The following MAU2 variants were observed in gnomAD, a reference collection of about 807,000 sequenced individuals.
MAU2 encodes the protein MAU2 sister chromatid cohesion factor.
Under a neutral mutation model 89.1 loss-of-function variants are expected in MAU2, and 9 were observed. That is an observed-to-expected ratio of 0.10 (90% CI 0.06 to 0.18). MAU2 has a LOEUF of 0.18. Ranked by LOEUF, MAU2 falls within the 10% of genes least tolerant of loss-of-function variation. The probability of loss-of-function intolerance (pLI) is 1.00; values close to 1 mark genes in which losing one functional copy is unlikely to be tolerated. For missense variants in MAU2, 425 were observed against 803.5 expected, an observed-to-expected ratio of 0.53 and a Z score of 5.69; for synonymous variants, 357 against 343.4, an observed-to-expected ratio of 1.04 and a Z score of -0.44.
chr19:19,324,391 G>A (rs2061487796), intron 1 of MAU2, among the ~76,000 whole-genome samples: 1 of 152,160 alleles, frequency 6.6e-6, no homozygotes, highest in Non-Finnish European at 1.5e-5. Context: ...ATCAAATGAG[G>A]CACCAGACTT....
chr19:19,326,711 T>C (rs2061509275), intron 1 of MAU2, among the ~76,000 whole-genome samples: 2 of 120,992 alleles, frequency 1.7e-5, no homozygotes, highest in Admixed American at 9.4e-5. Context: ...TGTATATATA[T>C]ATATATATAC....
rs190593381 is a variant in MAU2 at position 19,351,332 on chromosome 19, C to A, written c.1548+1896C>A. 2.0e-4 allele frequency among the ~76,000 whole-genome samples: 31 copies of A among 151,872 alleles called. No homozygotes were observed. The East Asian group carries it at 5.0e-3, about 25-fold the overall frequency. On this transcript the variant is annotated intron_variant, in intron 16 of 18. Transcript: ENST00000262815. Reference sequence around the variant, plus strand: ...CAAAGTGCTAGATTACAGCATGACCCACTGTGCCTGGCCCTAGAGATGCTA... The same window carrying A: ...CAAAGTGCTAGATTACAGCATGACCAACTGTGCCTGGCCCTAGAGATGCTA...
In MAU2 at chr19:19,348,953, G is replaced by C; in HGVS notation, c.1358+15G>C. ...TTCCCTGTCAGGTGAGCCGCTCCAG[G>C]CACCACTCCACGCACGGCCTAGGCT... On this transcript the variant is annotated intron_variant, in intron 14 of 18. Transcript: ENST00000262815. 6.2e-7 allele frequency: 1 copy of C among 1,612,746 alleles called. No homozygotes were observed. Among genetic ancestry groups the C allele is most frequent in the South Asian group, 1.1e-5 (1 of 90,992 alleles).
intron 1 of MAU2, chr19:19,334,743 C>A: frequency 2.9e-6 from 1 of 342,376 alleles, no homozygotes; most frequent in Non-Finnish European, 4.1e-6. Flanking sequence ...TGGCCCTCTG[C>A]CTTTTTTATG....
intron 13 of MAU2, 89 bp from the exon 14 acceptor site, chr19:19,348,800 T>C: frequency 2.1e-6 from 3 of 1,396,618 alleles, no homozygotes; most frequent in Admixed American, 1.7e-5. Flanking sequence ...GACGGGGGTG[T>C]AGAGAAATTC....
chr19:19,329,721 C>T (rs1036648031), intron 1 of MAU2, among the ~76,000 whole-genome samples: 4 of 151,934 alleles, frequency 2.6e-5, no homozygotes, highest in African/African-American at 9.7e-5. Context: ...TGCCTGTTAT[C>T]CTAGCACTTT....
At position 19,355,406 on chromosome 19, in the gene MAU2, G is replaced by A. The variant is rs1391533602; in HGVS notation, c.1767+15G>A. The A allele has an allele frequency of 6.2e-7, 1 of 1,613,458 alleles. No homozygotes were observed. ...ACCTCATCACGGTACGGGTGTGGGT[G>A]TTAGGGGACGGGATCAGGACTAGCG... On this transcript the variant is annotated intron_variant, in intron 18 of 18. Coordinates refer to ENST00000262815, the MANE Select transcript of MAU2 (RefSeq NM_015329.4).
chr19:19,327,577 G>T (rs887132032), intron 1 of MAU2, among the ~76,000 whole-genome samples: 1 of 151,972 alleles, frequency 6.6e-6, no homozygotes, highest in Non-Finnish European at 1.5e-5. Context: ...CACCCGCCTC[G>T]ACCTGCCAAA....
chr19:19,339,038 G>A (rs1015642291), intron 5 of MAU2, 99 bp downstream of exon 5: 1 of 920,032 alleles, frequency 1.1e-6, no homozygotes, highest in African/African-American at 1.6e-5. Flanking sequence ...TTCAGGTGAA[G>A]TACAGTAGCT....
chr19:19,339,307 C>T (rs1397611725), intron 5 of MAU2, among the ~76,000 whole-genome samples: 2 of 151,980 alleles, frequency 1.3e-5, no homozygotes, highest in African/African-American at 2.4e-5. Flanking sequence ...ATTAGCTGGG[C>T]GTGGTGGTGG....
At chr19:19,323,091 A>G (rs1306702384) in intron 1 of MAU2, among the ~76,000 whole-genome samples, 1 of 151,282 alleles carries the variant, frequency 6.6e-6, no homozygotes, top group Non-Finnish European at 1.5e-5. Flanking sequence ...GGTTCACAGT[A>G]TTGGCCAGGC....
intron 1 of MAU2, among the ~76,000 whole-genome samples, chr19:19,325,399 C>T (rs1396328470): frequency 2.0e-5 from 3 of 152,134 alleles, no homozygotes; most frequent in Non-Finnish European, 4.4e-5. Flanking sequence ...TGGCCTTGAA[C>T]TCCTGACGTC....
chr19:19,343,779 TG>T, intron 9 of MAU2, 57 bp from the exon 10 acceptor site: 4 of 1,315,620 alleles, frequency 3.0e-6, no homozygotes, highest in Non-Finnish European at 2.2e-6. Flanking sequence ...CACGGTGGGC[TG>T]GGGGTGGCGC....
rs2146646475 is a variant in MAU2 at position 19,322,948 on chromosome 19, TGGCAGGATCTCA to T, written c.276+1815_276+1826del. Among the ~76,000 whole-genome samples the T allele has an allele frequency of 1.3e-5, 2 of 152,296 alleles. 1 individual carries two copies. Among genetic ancestry groups the T allele is most frequent in the South Asian group, 4.2e-4 (2 of 4,818 alleles). The stretch of plus-strand genomic sequence containing the variant: ...TCTTGTTGCCGGGGCTGTAGCGCAA[TGGCAGGATCTCA>T]GCCCACTGCAACCTCCGTCTCCCGG... On this transcript the variant is annotated intron_variant, in intron 1 of 18. Transcript: ENST00000262815.
rs1276839872 is a variant in MAU2 at position 19,342,771 on chromosome 19, G to A, written c.883-5G>A. ...GTAACCCCTGCTGTCTGGTCTTGTC[G>A]CTAGGTGACTGTGATGCACTCCATG... On this transcript the variant is annotated splice_polypyrimidine_tract_variant and splice_region_variant and intron_variant, in intron 8 of 18. Transcript: ENST00000262815. 10 of 1,614,012 alleles carry A rather than the reference G, an allele frequency of 6.2e-6. No homozygotes were observed. Among genetic ancestry groups the A allele is most frequent in the South Asian group, 1.1e-5 (1 of 91,082 alleles).
At chr19:19,326,748 A>G (rs2061512227) in intron 1 of MAU2, among the ~76,000 whole-genome samples, 1 of 135,098 alleles carries the variant, frequency 7.4e-6, no homozygotes, top group African/African-American at 2.7e-5. Flanking sequence ...ACAAAAATTA[A>G]CCAGGCATGG....
At chr19:19,340,798 G>C in intron 5 of MAU2, 48 bp from the exon 6 acceptor site, 1 of 1,608,242 alleles carries the variant, frequency 6.2e-7, no homozygotes, top group Non-Finnish European at 8.5e-7. Context: ...GTCATCCCAG[G>C]AGGCTCCTGG....
intron 5 of MAU2, 132 bp from the exon 6 acceptor site, chr19:19,340,714 G>C: frequency 1.5e-6 from 1 of 654,962 alleles, no homozygotes; most frequent in Non-Finnish European, 2.6e-6. Flanking sequence ...CTTGTAAGGG[G>C]ACTGTTCTCT....
At position 19,321,121 on chromosome 19, in the gene MAU2, C is replaced by G. The variant is rs970814995; in HGVS notation, c.262C>G (p.His88Asp). ...HTKNSEQARS[H>D]LEKAWLISQQ... ...CAAGAACAGCGAGCAGGCGCGCAGCCACCTGGAGAAGGCGGTGAGCGCGGG... is the reference window on the plus strand; with the variant it reads ...CAAGAACAGCGAGCAGGCGCGCAGCGACCTGGAGAAGGCGGTGAGCGCGGG... The change falls in exon 1 of 19, where the codon CAC (histidine) becomes GAC (aspartate). Residue 88 changes from histidine to aspartate, a missense_variant. His to Asp is a moderately conservative substitution (Grantham distance 81). This residue lies in a region of MAU2 where 119 missense variants were observed against 299.8 expected (regional missense o/e 0.40). Transcript: ENST00000262815. 6.3e-7 allele frequency: 1 copy of G among 1,593,320 alleles called. No homozygotes were observed. Among genetic ancestry groups the G allele is most frequent in the African/African-American group, 1.4e-5 (1 of 72,556 alleles).
Sources: gnomAD v4.1 joint callset for allele counts (sites outside exome capture counted in the v4.1 genomes callset) on GRCh38, gnomAD v4.1.1 for gene constraint, gnomAD v4.1.1 regional missense constraint, MANE v1.5 for transcripts, NCBI Gene and HGNC (gene_info 2026-07-23, HGNC 2026-07-21) for gene names.